The following GNG12 variants were observed in gnomAD, a reference collection of about 807,000 sequenced individuals.
The protein encoded by GNG12 is guanine nucleotide-binding protein G(I)/G(S)/G(O) subunit gamma-12.
For missense variants in GNG12, 69 were observed against 83.8 expected (o/e 0.82, Z 0.69); for synonymous variants, 28 against 29.7 (o/e 0.94, Z 0.19).
intron 2 of GNG12, among the ~76,000 whole-genome samples, chr1:67,717,066 G>A (rs779101713): frequency 1.1e-4 from 16 of 152,192 alleles, no homozygotes; most frequent in Admixed American, 3.9e-4. Context: ...GATTCAGTAG[G>A]GCTGGAGAAG....
chr1:67,766,605 G>GTT (rs746565686), intron 2 of GNG12, among the ~76,000 whole-genome samples: 3,245 of 138,604 alleles, frequency 0.023, 127 homozygotes, highest in African/African-American at 0.081. Context: ...ATATGTTGGT[G>GTT]TTTTTTTTTT....
chr1:67,823,440 T>C (rs556790001), intron 1 of GNG12, among the ~76,000 whole-genome samples: 24 of 152,334 alleles, frequency 1.6e-4, no homozygotes, highest in Middle Eastern at 3.4e-3. Flanking sequence ...CAGCCCACTC[T>C]ACCCTTAGGC....
chr1:67,752,267 T>G (rs1646543514), intron 2 of GNG12, among the ~76,000 whole-genome samples: 1 of 152,220 alleles, frequency 6.6e-6, no homozygotes, highest in Admixed American at 6.5e-5. Flanking sequence ...TTCCTTGGCG[T>G]TTCAGGATGT....
intron 2 of GNG12, among the ~76,000 whole-genome samples, chr1:67,757,131 A>T (rs1646574532): frequency 6.6e-6 from 1 of 152,254 alleles, no homozygotes; most frequent in African/African-American, 2.4e-5. Context: ...ATAAGACCCA[A>T]GTCTAAACTT....
At chr1:67,816,002 C>A (rs1043550316) in intron 1 of GNG12, among the ~76,000 whole-genome samples, 1 of 152,158 alleles carries the variant, frequency 6.6e-6, no homozygotes, top group African/African-American at 2.4e-5. Flanking sequence ...CTGGGTGCGG[C>A]CGGGGCTCCA....
At chr1:67,786,590 A>G (rs1298229091) in intron 1 of GNG12, among the ~76,000 whole-genome samples, 1 of 152,084 alleles carries the variant, frequency 6.6e-6, no homozygotes, top group African/African-American at 2.4e-5. Context: ...GTGTTTGGCA[A>G]TGTGGAAGGT....
At chr1:67,741,320 C>T (rs1474548236) in intron 2 of GNG12, among the ~76,000 whole-genome samples, 2 of 152,208 alleles carry the variant, frequency 1.3e-5, no homozygotes, top group Non-Finnish European at 2.9e-5. Context: ...ATGGCCACCG[C>T]CTTCTTGTGT....
At chr1:67,827,768 C>T (rs563320960) in intron 1 of GNG12, among the ~76,000 whole-genome samples, 1 of 152,216 alleles carries the variant, frequency 6.6e-6, no homozygotes, top group East Asian at 1.9e-4. Context: ...GAAATGCAGA[C>T]CCATTAAAAG....
At chr1:67,724,548 C>T (rs1646375383) in intron 2 of GNG12, among the ~76,000 whole-genome samples, 1 of 152,100 alleles carries the variant, frequency 6.6e-6, no homozygotes. Context: ...TGCTTCCAAG[C>T]CCGGCTAATT....
chr1:67,785,147 A>G (rs550122248), intron 1 of GNG12, among the ~76,000 whole-genome samples: 3 of 152,112 alleles, frequency 2.0e-5, no homozygotes, highest in African/African-American at 4.8e-5. Context: ...CCAATTCTAT[A>G]TTGTTTCCTA....
chr1:67,772,516 C>T (rs1288788022), intron 2 of GNG12: 2 of 152,112 alleles, frequency 1.3e-5, no homozygotes, highest in East Asian at 1.9e-4. Flanking sequence ...CATTCTCATT[C>T]TTTCCTTCCC....
intron 2 of GNG12, among the ~76,000 whole-genome samples, chr1:67,762,255 T>C (rs899218147): frequency 6.6e-6 from 1 of 152,160 alleles, no homozygotes; most frequent in African/African-American, 2.4e-5. Context: ...ATCACTGACT[T>C]GTTTATCTGC....
rs138887722 is a variant in GNG12 at position 67,707,107 on chromosome 1, C to T, written c.93+487G>A. Among the ~76,000 whole-genome samples, 284 of 152,218 alleles carry T rather than the reference C, an allele frequency of 1.9e-3. 1 individual carries two copies. Among genetic ancestry groups the T allele is most frequent in the Middle Eastern group, 6.8e-3 (2 of 294 alleles). ...TCTCTATGGGATCTCAACTAAAGCT[C>T]GCATTATTACTCTGGGCACAGAAAG... On this transcript the variant is annotated intron_variant, in intron 3 of 3. Transcript: ENST00000370982.
chr1:67,833,290 CCCCGACCCCGCGGGGA>C, intron 1 of GNG12, 38 bp downstream of exon 1: 1 of 716,056 alleles, frequency 1.4e-6, no homozygotes, highest in Non-Finnish European at 1.7e-6. Context: ...CCGCGCCGCG[CCCCGACCCCGCGGGGA>C]CCCGACTCAC....
chr1:67,761,217 G>A (rs12069224), intron 2 of GNG12, among the ~76,000 whole-genome samples: 13,094 of 152,228 alleles, frequency 0.086, 584 homozygotes, highest in Admixed American at 0.1. Context: ...ATGAATAACA[G>A]CTGGAAGTTA....
intron 1 of GNG12, among the ~76,000 whole-genome samples, chr1:67,810,992 C>T (rs993240557): frequency 6.6e-6 from 1 of 152,186 alleles, no homozygotes; most frequent in African/African-American, 2.4e-5. Flanking sequence ...GGACCGGCAG[C>T]ATCAGCATCA....
At chr1:67,769,485 A>C (rs1470673215) in intron 2 of GNG12, among the ~76,000 whole-genome samples, 1 of 152,106 alleles carries the variant, frequency 6.6e-6, no homozygotes, top group African/African-American at 2.4e-5. Flanking sequence ...GAGTTCATAA[A>C]CTCTGCATGG....
At chr1:67,736,080 G>A (rs1377941108) in intron 2 of GNG12, among the ~76,000 whole-genome samples, 3 of 152,054 alleles carry the variant, frequency 2.0e-5, no homozygotes, top group Non-Finnish European at 2.9e-5. Flanking sequence ...ACTGAAAATG[G>A]CTTGGCATCA....
intron 2 of GNG12, among the ~76,000 whole-genome samples, chr1:67,768,540 T>G (rs1646654603): frequency 6.6e-6 from 1 of 152,236 alleles, no homozygotes; most frequent in Admixed American, 6.5e-5. Context: ...TCATAATAGT[T>G]AAATGCAAAC....
Sources: gnomAD v4.1 joint callset for allele counts (sites outside exome capture counted in the v4.1 genomes callset) on GRCh38, gnomAD v4.1.1 for gene constraint, MANE v1.5 for transcripts, NCBI Gene and HGNC (gene_info 2026-07-23, HGNC 2026-07-21) for gene names.